The following EYA1 variants were observed in gnomAD, a reference collection of about 807,000 sequenced individuals.
The protein encoded by EYA1 is EYA transcriptional coactivator and phosphatase 1.
EYA1 carries 16 observed loss-of-function variants against 82.0 expected under a neutral mutation model. The observed-to-expected ratio is 0.20, with a 90% CI of 0.13 to 0.30. EYA1 has a LOEUF of 0.30. Among genes scored for constraint, EYA1 ranks in the 10% least tolerant of loss-of-function variants. The pLI is 1.00. For missense variants in EYA1, 633 were observed against 730.7 expected (o/e 0.87, Z 1.54); for synonymous variants, 261 against 264.4 (o/e 0.99, Z 0.12).
chr8:71,421,406 C>A (rs1371387255), intron 2 of EYA1, among the ~76,000 whole-genome samples: 4 of 152,122 alleles, frequency 2.6e-5, no homozygotes, highest in African/African-American at 9.7e-5. Flanking sequence ...TCGCTCAAGG[C>A]CATCCAACTG....
chr8:71,470,223 A>G (rs950645069), intron 2 of EYA1, among the ~76,000 whole-genome samples: 2 of 152,098 alleles, frequency 1.3e-5, no homozygotes, highest in Non-Finnish European at 2.9e-5. Context: ...GCTTTCCAGT[A>G]GGATTTTAAA....
chr8:71,411,933 T>C (rs1352688030), intron 2 of EYA1, among the ~76,000 whole-genome samples: 5 of 151,152 alleles, frequency 3.3e-5, no homozygotes, highest in Non-Finnish European at 7.4e-5. Context: ...TGCACACGTA[T>C]GTTTATTGCA....
chr8:71,236,020 T>C (rs1811785272), intron 12 of EYA1, among the ~76,000 whole-genome samples: 1 of 152,066 alleles, frequency 6.6e-6, no homozygotes, highest in African/African-American at 2.4e-5. Context: ...TAGTATGCCA[T>C]ACGTGTTGAA....
At chr8:71,449,531 A>T (rs4446767) in intron 2 of EYA1, among the ~76,000 whole-genome samples, 74,990 of 152,100 alleles carry the variant, frequency 0.49, 21,190 homozygotes, top group African/African-American at 0.76. Context: ...TAAAAAACCA[A>T]GCTATGGACA....
intron 16 of EYA1, among the ~76,000 whole-genome samples, chr8:71,213,098 C>A (rs939978711): frequency 6.6e-6 from 1 of 151,950 alleles, no homozygotes; most frequent in Non-Finnish European, 1.5e-5. Context: ...GGGTTTTCTG[C>A]ATTGATTCCC....
intron 11 of EYA1, among the ~76,000 whole-genome samples, chr8:71,269,511 G>A (rs1017115825): frequency 6.6e-6 from 1 of 152,170 alleles, no homozygotes; most frequent in Non-Finnish European, 1.5e-5. Context: ...GTCTGAATAA[G>A]CATGACTTTA....
At chr8:71,515,680 T>C (rs1251942545) in intron 2 of EYA1, among the ~76,000 whole-genome samples, 1 of 152,138 alleles carries the variant, frequency 6.6e-6, no homozygotes, top group African/African-American at 2.4e-5. Flanking sequence ...AAGATTCTTA[T>C]GCAATGGGAG....
chr8:71,334,564 T>C (rs1203935238), intron 3 of EYA1, among the ~76,000 whole-genome samples: 2 of 152,168 alleles, frequency 1.3e-5, no homozygotes, highest in Admixed American at 1.3e-4. Context: ...AACAGAAAGA[T>C]GTGGGGAAGC....
chr8:71,224,922 G>A (rs1189665703), intron 12 of EYA1, among the ~76,000 whole-genome samples: 2 of 152,216 alleles, frequency 1.3e-5, no homozygotes, highest in African/African-American at 4.8e-5. Context: ...TGATTTAGAA[G>A]TTCTACAGAG....
intron 2 of EYA1, among the ~76,000 whole-genome samples, chr8:71,524,498 G>C (rs1261971549): frequency 6.6e-6 from 1 of 152,108 alleles, no homozygotes; most frequent in African/African-American, 2.4e-5. Flanking sequence ...AATATGCAAA[G>C]CATAAAATTT....
At chr8:71,284,153 G>C (rs1818124214) in intron 9 of EYA1, among the ~76,000 whole-genome samples, 1 of 152,182 alleles carries the variant, frequency 6.6e-6, no homozygotes, top group Non-Finnish European at 1.5e-5. Context: ...TACCTGCCTG[G>C]GGACCCTTGG....
At chr8:71,343,906 T>G (rs553358991) in intron 3 of EYA1, among the ~76,000 whole-genome samples, 1 of 152,296 alleles carries the variant, frequency 6.6e-6, no homozygotes, top group East Asian at 1.9e-4. Context: ...TGCTATAAAA[T>G]TTATCATACA....
At chr8:71,380,400 G>A (rs980523623) in intron 2 of EYA1, among the ~76,000 whole-genome samples, 1 of 152,150 alleles carries the variant, frequency 6.6e-6, no homozygotes, top group Non-Finnish European at 1.5e-5. Context: ...GAAGTCTGAT[G>A]TTGTGGGAAA....
At chr8:71,373,937 G>A (rs1165525760) in intron 2 of EYA1, among the ~76,000 whole-genome samples, 1 of 152,084 alleles carries the variant, frequency 6.6e-6, no homozygotes, top group Non-Finnish European at 1.5e-5. Context: ...ATATCCATAT[G>A]CAAAAGAACA....
chr8:71,316,918 T>C (rs1402616564), intron 7 of EYA1, among the ~76,000 whole-genome samples: 1 of 152,218 alleles, frequency 6.6e-6, no homozygotes, highest in East Asian at 1.9e-4. Context: ...GAGACCAGCT[T>C]TGACAATGAC....
chr8:71,438,450 C>G (rs895560087), intron 2 of EYA1, among the ~76,000 whole-genome samples: 10 of 151,996 alleles, frequency 6.6e-5, no homozygotes, highest in Non-Finnish European at 1.5e-4. Flanking sequence ...GTGCTGGACA[C>G]TGAAGAATGC....
intron 7 of EYA1, among the ~76,000 whole-genome samples, chr8:71,314,298 A>G (rs988267053): frequency 2.0e-5 from 3 of 152,226 alleles, no homozygotes; most frequent in African/African-American, 7.2e-5. Context: ...CAGTATACAT[A>G]CTGCATTTAA....
chr8:71,307,390 T>G (rs1399941132), intron 7 of EYA1, among the ~76,000 whole-genome samples: 1 of 152,104 alleles, frequency 6.6e-6, no homozygotes, highest in Non-Finnish European at 1.5e-5. Flanking sequence ...CAGCAACCTC[T>G]GCCTCCCAGG....
In EYA1 at chr8:71,437,211, A is replaced by G. The variant is rs188307176; in HGVS notation, c.34-80700T>C. Among the ~76,000 whole-genome samples, 49 of 151,908 alleles carry G rather than the reference A, an allele frequency of 3.2e-4. 1 individual carries two copies. In the East Asian group the frequency reaches 7.1e-3, roughly 22 times the overall value. ...TTTTTTGTCCATTAGTTTGAAGAAA[A>G]GCTGTTATTTAAGTCAGAATTTCTT... On this transcript the variant is annotated intron_variant, in intron 2 of 18. Coordinates refer to the EYA1 transcript ENST00000643681.
Sources: allele counts gnomAD v4.1 joint callset (sites outside exome capture counted in the v4.1 genomes callset), GRCh38; gene constraint gnomAD v4.1.1; transcripts MANE v1.5; gene names NCBI Gene and HGNC (gene_info 2026-07-23, HGNC 2026-07-21).